The following ANKRD39 variants were observed in gnomAD, a reference collection of about 807,000 sequenced individuals.
The protein encoded by ANKRD39 is ankyrin repeat domain-containing protein 39.
ANKRD39 carries 18 observed loss-of-function variants against 20.3 expected under a neutral mutation model. The observed-to-expected ratio is 0.89, with a 90% CI of 0.61 to 1.32. ANKRD39 has a LOEUF of 1.32. Ranked by LOEUF, ANKRD39 falls within the 40% of genes most tolerant of loss-of-function variation. The pLI is 0.00. For synonymous variants in ANKRD39, 106 were observed against 111.9 expected, an observed-to-expected ratio of 0.95 and a Z score of 0.33; for missense variants, 243 against 250.7, an observed-to-expected ratio of 0.97 and a Z score of 0.21.
Position 96,848,344 on chromosome 2 carries a change from AG to A in ANKRD39, c.508del (p.Leu170CysfsTer47). The A allele has an allele frequency of 6.2e-7, 1 of 1,614,204 alleles. No homozygotes were observed. The highest frequency in any genetic ancestry group is 2.2e-5 in the East Asian group (1 of 44,888). ...RDRKARLACD[L>X]LPCNSDLRDL... Reference sequence around the variant, plus strand: ...CCGCAGGTCACTGTTGCAAGGCAGCAGGTCACATGCTAGCCGTGCCTTTCGG... The same window carrying A: ...CCGCAGGTCACTGTTGCAAGGCAGCAGTCACATGCTAGCCGTGCCTTTCGG... On this transcript the variant is annotated frameshift_variant, in exon 4 of 4. Transcript: ENST00000393537. LOFTEE classifies it high-confidence loss of function.
chr2:96,855,717 C>T (rs62152864), intron 1 of ANKRD39, among the ~76,000 whole-genome samples: 15,132 of 147,348 alleles, frequency 0.1, 937 homozygotes, highest in Middle Eastern at 0.19. Flanking sequence ...AGCGAGACTC[C>T]GTCTCAAAAA....
In ANKRD39 at chr2:96,857,890, C is replaced by G. The variant is rs894257288; in HGVS notation, c.98G>C (p.Arg33Thr). Residue 33 changes from arginine to threonine, a missense_variant and splice_region_variant, in exon 1 of 4, where the codon AGG becomes ACG. Coordinates refer to ENST00000393537, the MANE Select transcript of ANKRD39 (RefSeq NM_016466.6). ...QQTLEEMDFE[R>T]GIWSAALNGD... Reference sequence around the variant, plus strand: ...CGAGGGCCGCGCGGCAGCCTCACCCCTCTCGAAGTCCATCTCCTCCAGCGT... The same window carrying G: ...CGAGGGCCGCGCGGCAGCCTCACCCGTCTCGAAGTCCATCTCCTCCAGCGT... The G allele has an allele frequency of 6.3e-7, 1 of 1,578,444 alleles. No individual in the cohort carries two copies. The highest frequency in any genetic ancestry group is 1.3e-5 in the African/African-American group (1 of 74,454).
chr2:96,855,154 C>T (rs1264030623), intron 1 of ANKRD39, among the ~76,000 whole-genome samples: 21 of 152,158 alleles, frequency 1.4e-4, no homozygotes, highest in Admixed American at 7.9e-4. Flanking sequence ...AGTGGGAACA[C>T]GCATGCCTCC....
At chr2:96,851,051 T>A (rs531860469) in intron 3 of ANKRD39, among the ~76,000 whole-genome samples, 95 of 152,320 alleles carry the variant, frequency 6.2e-4, no homozygotes, top group African/African-American at 2.1e-3. Context: ...TGGAGCCCAG[T>A]GGTGTGATCT....
intron 3 of ANKRD39, among the ~76,000 whole-genome samples, chr2:96,848,923 C>CACAACTGCG (rs2079823650): frequency 1.3e-5 from 2 of 152,126 alleles, no homozygotes; most frequent in Non-Finnish European, 2.9e-5. Flanking sequence ...TGGAGTATCC[C>CACAACTGCG]AGTGCCATTC....
In ANKRD39 at chr2:96,853,593, G is replaced by A. The variant is rs376129381; in HGVS notation, c.216C>T (p.Ser72=). The part of the protein sequence containing the change: ...SAGYTALHYA[S]RNGHYAVCQF... The stretch of plus-strand genomic sequence containing the variant: ...GGCACACAGCGTAGTGCCCATTGCG[G>A]CTGGCATAGTGCTGCAGGGAACAGA... Residue 72 remains serine, a synonymous_variant, in exon 3 of 4, where the codon AGC becomes AGT. Transcript: ENST00000393537. 81 of 1,611,828 alleles carry A rather than the reference G, an allele frequency of 5.0e-5. No individual in the cohort carries two copies. The highest frequency in any genetic ancestry group is 6.7e-5 in the Non-Finnish European group (79 of 1,179,868).
Position 96,854,453 on chromosome 2 carries a change from C to A in ANKRD39, c.101-12G>T, listed in dbSNP as rs1234781696. ...TGCCGACCAGATTCCTGCAGAAAGG[C>A]AACCAAAGGACTGAATGATGCTGAA... On this transcript the variant is annotated splice_polypyrimidine_tract_variant and intron_variant, in intron 1 of 3. Transcript: ENST00000393537. 1.9e-6 allele frequency: 3 copies of A among 1,613,684 alleles called. No homozygotes were observed. Among genetic ancestry groups the A allele is most frequent in the Non-Finnish European group, 2.5e-6 (3 of 1,179,604 alleles).
chr2:96,848,489 G>A (rs375112201), intron 3 of ANKRD39, 45 bp from the exon 4 acceptor site: 4 of 1,608,628 alleles, frequency 2.5e-6, no homozygotes, highest in African/African-American at 1.3e-5. Flanking sequence ...CCCCCCACTG[G>A]GCTCTGCTCT....
At position 96,848,353 on chromosome 2, in the gene ANKRD39, G is replaced by A. The variant is rs781137403; in HGVS notation, c.500C>T (p.Ala167Val). The part of the protein sequence containing the change: ...KAIRDRKARL[A>V]CDLLPCNSDL... The stretch of plus-strand genomic sequence containing the variant: ...ACTGTTGCAAGGCAGCAGGTCACAT[G>A]CTAGCCGTGCCTTTCGGTCCCGGAT... Residue 167 changes from alanine (A) to valine (V), a missense_variant, in exon 4 of 4, where the codon GCA becomes GTA. Physicochemically the swap from Ala to Val is moderately conservative, Grantham distance 64 (BLOSUM62 0). Transcript: ENST00000393537. 2 of 1,614,208 alleles carry A rather than the reference G, an allele frequency of 1.2e-6. No individual in the cohort carries two copies. The highest frequency in any genetic ancestry group is 2.7e-5 in the African/African-American group (2 of 75,062).
At chr2:96,854,478 A>G (rs759235946) in intron 1 of ANKRD39, 37 bp from the exon 2 acceptor site, 2 of 1,598,528 alleles carry the variant, frequency 1.3e-6, no homozygotes, top group African/African-American at 1.3e-5. Flanking sequence ...ATGATGCTGA[A>G]TGGGAGTTTC....
In ANKRD39 at chr2:96,848,321, G is replaced by A. The variant is rs148876416; in HGVS notation, c.532C>T (p.Arg178Trp). ...GCGGCTCAGCTGGATAGCAGGTCCCGCAGGTCACTGTTGCAAGGCAGCAGG... is the reference window on the plus strand; with the variant it reads ...GCGGCTCAGCTGGATAGCAGGTCCCACAGGTCACTGTTGCAAGGCAGCAGG... ...CDLLPCNSDL[R>W]DLLSS is the part of the protein sequence containing the mutation. Residue 178 changes from arginine (R) to tryptophan (W), a missense_variant, in exon 4 of 4, where the codon CGG becomes TGG. Arg to Trp is a moderately radical substitution (Grantham distance 101, BLOSUM62 -3). Transcript: ENST00000393537. 1.4e-4 allele frequency: 220 copies of A among 1,614,092 alleles called. No homozygotes were observed. Among genetic ancestry groups the A allele is most frequent in the Admixed American group, 3.0e-4 (18 of 60,026 alleles).
Position 96,854,367 on chromosome 2 carries a change from G to C in ANKRD39, c.175C>G (p.Gln59Glu), listed in dbSNP as rs962910505. The change falls in exon 2 of 4, where the codon CAG becomes GAG. Residue 59 changes from glutamine to glutamate, a missense_variant. By Grantham distance (29) the Gln-to-Glu change is conservative (BLOSUM62 2). Transcript: ENST00000393537. ...GCAGTGTAGCCGGCCGAGTCGGGCT[G>C]ACTTGGGTCCTCGGCCTTCTGGATT... Reference protein sequence around the residue: ...HLIQKAEDPSQPDSAGYTALH... With the variant: ...HLIQKAEDPSEPDSAGYTALH... 1 of 1,614,140 alleles carries C rather than the reference G, an allele frequency of 6.2e-7. No homozygotes were observed.
At chr2:96,854,305 T>C (rs1197575906) in intron 2 of ANKRD39, 33 bp downstream of exon 2, 1 of 1,601,564 alleles carries the variant, frequency 6.2e-7, no homozygotes, top group Non-Finnish European at 8.5e-7. Context: ...TTAACGCTTC[T>C]GTCTCCTGAC....
intron 3 of ANKRD39, among the ~76,000 whole-genome samples, chr2:96,851,397 C>A (rs907050034): frequency 6.6e-6 from 1 of 152,110 alleles, no homozygotes; most frequent in Non-Finnish European, 1.5e-5. Context: ...CTCACGTGAT[C>A]TGCCCGCCTC....
At chr2:96,849,841 CTCT>C (rs1460076664) in intron 3 of ANKRD39, among the ~76,000 whole-genome samples, 1 of 152,094 alleles carries the variant, frequency 6.6e-6, no homozygotes, top group Non-Finnish European at 1.5e-5. Context: ...TCCCTGTGTT[CTCT>C]TCTTCTCTTT....
chr2:96,854,291 T>A (rs1339870350), intron 2 of ANKRD39, 47 bp downstream of exon 2: 2 of 1,565,646 alleles, frequency 1.3e-6, no homozygotes, highest in South Asian at 2.3e-5. Context: ...AGGTGTCTCC[T>A]GAGTTAACGC....
chr2:96,848,203 C>T lies in ANKRD39; in HGVS notation c.*98G>A, dbSNP rs1383734367. On this transcript the variant is annotated 3_prime_UTR_variant, in exon 4 of 4. Coordinates refer to ENST00000393537, the MANE Select transcript of ANKRD39 (RefSeq NM_016466.6). ...TGGGGCTCTTCCTGGGTGGTCTGGC[C>T]TCAGTTCCCTGCCCAGCAGCATGGA... is the stretch of plus-strand genomic sequence containing the variant. 20 of 1,544,404 alleles carry T rather than the reference C, an allele frequency of 1.3e-5. No homozygotes were observed. Among genetic ancestry groups the T allele is most frequent in the Non-Finnish European group, 1.7e-5 (19 of 1,138,962 alleles).
rs372762301 is a variant in ANKRD39, at chr2:96,853,622, C to T, written c.205-18G>A. 48 of 1,609,500 alleles carry T rather than the reference C, an allele frequency of 3.0e-5. No homozygotes were observed. Among genetic ancestry groups the T allele is most frequent in the Non-Finnish European group, 3.7e-5 (44 of 1,178,734 alleles). On this transcript the variant is annotated intron_variant, in intron 2 of 3. Coordinates refer to ENST00000393537, the MANE Select transcript of ANKRD39 (RefSeq NM_016466.6). ...GCATAGTGCTGCAGGGAACAGAGAC[C>T]GAGGTCAGATGGGAGAAGCCAGGCA...
rs1444035807 is a variant in ANKRD39, at chr2:96,853,452, A to G, written c.357T>C (p.His119=). 1.3e-6 allele frequency: 2 copies of G among 1,596,720 alleles called. No individual in the cohort carries two copies. The highest frequency in any genetic ancestry group is 1.7e-6 in the Non-Finnish European group (2 of 1,171,920). The change falls in exon 3 of 4, where the codon CAT becomes CAC. Residue 119 remains histidine (H), a synonymous_variant. Transcript: ENST00000393537. ...CATCCACCACCCTGGGGTTGGACCC[A>G]TGTGATAGCAGGAGCCGCGCGATTT... ...HTEIARLLLS[H]GSNPRVVDDD... is the part of the protein sequence containing the mutation.
Sources: allele counts gnomAD v4.1 joint callset (sites outside exome capture counted in the v4.1 genomes callset), GRCh38; gene constraint gnomAD v4.1.1; transcripts MANE v1.5; gene names NCBI Gene and HGNC (gene_info 2026-07-23, HGNC 2026-07-21).